DDX31: variants seen among roughly 807,000 people sequenced by gnomAD.
DDX31 encodes ATP-dependent DNA helicase DDX31.
DDX31 carries 70 observed loss-of-function variants against 91.3 expected under a neutral mutation model. The observed-to-expected ratio is 0.77, with a 90% CI of 0.63 to 0.94. DDX31 has a LOEUF of 0.94. Among genes scored for constraint, DDX31 ranks in the 40% least tolerant of loss-of-function variants. The pLI, the probability that DDX31 is intolerant of heterozygous loss-of-function variation, is 0.00. For missense variants in DDX31, 902 were observed against 925.0 expected (o/e 0.98, Z 0.32); for synonymous variants, 362 against 350.6 (o/e 1.03, Z -0.36).
At chr9:132,669,678 G>T in intron 1 of DDX31, 182 bp downstream of exon 1, 1 of 1,533,506 alleles carries the variant, frequency 6.5e-7, no homozygotes, top group Non-Finnish European at 8.7e-7. Flanking sequence ...GCATCCCTGC[G>T]GGTGGTGTTC....
chr9:132,669,698 A>G (rs1835597993), intron 1 of DDX31, 162 bp downstream of exon 1: 3 of 1,533,536 alleles, frequency 2.0e-6, no homozygotes, highest in Non-Finnish European at 1.7e-6. Context: ...CCGGTTAGAG[A>G]CACGTGTTTC....
chr9:132,599,634 T>C (rs1279266346), intron 19 of DDX31, among the ~76,000 whole-genome samples: 4 of 152,178 alleles, frequency 2.6e-5, no homozygotes, highest in Admixed American at 2.6e-4. Context: ...AATGCCAGAG[T>C]ATTTTAATTT....
At chr9:132,641,529 G>A (rs1473219513) in intron 14 of DDX31, among the ~76,000 whole-genome samples, 4 of 152,204 alleles carry the variant, frequency 2.6e-5, no homozygotes, top group Admixed American at 6.5e-5. Flanking sequence ...CAGCTATCCC[G>A]GACTGCAGAG....
intron 6 of DDX31, among the ~76,000 whole-genome samples, chr9:132,657,343 ATATG>A (rs1834631553): frequency 6.6e-6 from 1 of 152,336 alleles, no homozygotes; most frequent in Admixed American, 6.5e-5. Context: ...CAGCTTCTCC[ATATG>A]TATTATCAAC....
At chr9:132,624,762 T>A (rs1832292849) in intron 17 of DDX31, among the ~76,000 whole-genome samples, 1 of 152,192 alleles carries the variant, frequency 6.6e-6, no homozygotes, top group African/African-American at 2.4e-5. Context: ...GCTATGGCTA[T>A]CTCCTCTCCT....
In DDX31 at chr9:132,608,435, A is replaced by G. The variant is rs545163580; in HGVS notation, c.1994+3652T>C. On this transcript the variant is annotated intron_variant, in intron 19 of 19. Transcript: ENST00000372159. ...TCTTTTCTGAAAAGTGGTCGAGTGA[A>G]GGACTAAAGGCAATGTAAGAGACGA... 5.3e-5 allele frequency among the ~76,000 whole-genome samples: 8 copies of G among 152,270 alleles called. No homozygotes were observed. In the South Asian group the frequency reaches 1.7e-3, roughly 32 times the overall value.
At position 132,658,743 on chromosome 9, in the gene DDX31, A is replaced by T. The variant is rs752282069; in HGVS notation, c.524-8T>A. The T allele has an allele frequency of 6.2e-7, 1 of 1,612,878 alleles. No individual in the cohort carries two copies. Among genetic ancestry groups the T allele is most frequent in the Non-Finnish European group, 8.5e-7 (1 of 1,179,562 alleles). ...AATAGGCAAGAGTTTTACCTTTCAA[A>T]AAAAAAGCAGAAGCAATTAAAATCA... On this transcript the variant is annotated splice_region_variant and splice_polypyrimidine_tract_variant and intron_variant, in intron 5 of 19. Transcript: ENST00000372159.
intron 17 of DDX31, among the ~76,000 whole-genome samples, chr9:132,622,609 C>T (rs780615845): frequency 4.6e-5 from 7 of 152,186 alleles, no homozygotes; most frequent in Admixed American, 1.3e-4. Context: ...CAATGCCAGG[C>T]CCAGAAAGAG....
chr9:132,602,089 C>G (rs1006790522), intron 19 of DDX31, among the ~76,000 whole-genome samples: 2 of 152,242 alleles, frequency 1.3e-5, no homozygotes, highest in Admixed American at 1.3e-4. Context: ...CATGTACACA[C>G]AGCGTTTGAA....
At position 132,594,120 on chromosome 9, in the gene DDX31, A is replaced by G. The variant is rs1336075014; in HGVS notation, c.*746T>C. 1 of 152,088 alleles carries G rather than the reference A, an allele frequency of 6.6e-6. No homozygotes were observed. Among genetic ancestry groups the G allele is most frequent in the Admixed American group, 6.5e-5 (1 of 15,268 alleles). 9.4% of individuals were successfully genotyped at this position (152,088 alleles called of 1,614,324 possible). A position where few individuals can be genotyped will look rare whatever the true frequency, so the allele number is the denominator to read the frequency against. On this transcript the variant is annotated 3_prime_UTR_variant, in exon 20 of 20. Coordinates refer to ENST00000372159, the MANE Select transcript of DDX31 (RefSeq NM_022779.9). ...GAAGACAAGACAGGATTCGATAGGGAAAAAAAGCTTGGGATACTGGTGCCT... is the reference window on the plus strand; with the variant it reads ...GAAGACAAGACAGGATTCGATAGGGGAAAAAAGCTTGGGATACTGGTGCCT...
intron 19 of DDX31, among the ~76,000 whole-genome samples, chr9:132,607,446 G>A (rs925328981): frequency 6.6e-6 from 1 of 152,202 alleles, no homozygotes; most frequent in Non-Finnish European, 1.5e-5. Flanking sequence ...CAAAATTATT[G>A]CATTACTGAT....
Position 132,603,754 on chromosome 9 carries a change from G to A in DDX31, c.1994+8333C>T, listed in dbSNP as rs536345659. On this transcript the variant is annotated intron_variant, in intron 19 of 19. Coordinates refer to ENST00000372159, the MANE Select transcript of DDX31 (RefSeq NM_022779.9). ...GCCCGTCTCCAGCATCGTCCCGGGA[G>A]AGGCTGGCTGGGTTCCTGTTCTTTG... is the stretch of plus-strand genomic sequence containing the variant. 2.0e-5 allele frequency among the ~76,000 whole-genome samples: 3 copies of A among 152,320 alleles called. No homozygotes were observed. In the East Asian group the frequency reaches 5.8e-4, roughly 29 times the overall value.
Position 132,609,724 on chromosome 9 carries a change from C to T in DDX31, c.1994+2363G>A, listed in dbSNP as rs561041582. ...GCAACCTCTGCCGCCCAGGTTCAAG[C>T]GATTCTCCTGCCTCAGCCTCCCAAG... On this transcript the variant is annotated intron_variant, in intron 19 of 19. Coordinates refer to ENST00000372159, the MANE Select transcript of DDX31 (RefSeq NM_022779.9). Among the ~76,000 whole-genome samples, 40 of 152,178 alleles carry T rather than the reference C, an allele frequency of 2.6e-4. No individual in the cohort carries two copies. The South Asian group carries it at 7.1e-3, about 27-fold the overall frequency.
chr9:132,643,534 A>G (rs1347152950), intron 13 of DDX31, among the ~76,000 whole-genome samples: 1 of 152,222 alleles, frequency 6.6e-6, no homozygotes. Flanking sequence ...ACAAACAACA[A>G]ACATTCATCG....
intron 19 of DDX31, among the ~76,000 whole-genome samples, chr9:132,602,265 C>G (rs1830760094): frequency 6.6e-6 from 1 of 152,262 alleles, no homozygotes; most frequent in Non-Finnish European, 1.5e-5. Flanking sequence ...CAGGCCACAG[C>G]AACCATGGGA....
chr9:132,648,246 C>T lies in DDX31; in HGVS notation c.910G>A (p.Val304Ile). 8 of 1,613,822 alleles carry T rather than the reference C, an allele frequency of 5.0e-6. No homozygotes were observed. The highest frequency in any genetic ancestry group is 2.2e-5 in the East Asian group (1 of 44,882). ...EKDITVILNAVNAECQKRQNV... is the reference protein window; with the variant it reads ...EKDITVILNAINAECQKRQNV... ...TGTCGTTTTTGGCATTCAGCATTTA[C>T]AGCATTAAGTATCACTGTGATGTCC... Residue 304 changes from valine (V) to isoleucine (I), a missense_variant, in exon 11 of 20, where the codon GTA becomes ATA. Physicochemically the swap from Val to Ile is conservative, Grantham distance 29. Transcript: ENST00000372159.
chr9:132,628,547 T>C (rs1456241711), intron 16 of DDX31, among the ~76,000 whole-genome samples: 6 of 152,248 alleles, frequency 3.9e-5, no homozygotes, highest in Non-Finnish European at 8.8e-5. Context: ...GCTTTATATC[T>C]GAGCCCTTCA....
intron 19 of DDX31, among the ~76,000 whole-genome samples, chr9:132,607,092 G>GA (rs777213237): frequency 6.6e-6 from 1 of 152,222 alleles, no homozygotes; most frequent in Non-Finnish European, 1.5e-5. Context: ...GTTTATTTTA[G>GA]AAAGTAAATG....
At chr9:132,626,078 G>C (rs547680043) in intron 16 of DDX31, among the ~76,000 whole-genome samples, 70 of 150,658 alleles carry the variant, frequency 4.6e-4, no homozygotes, top group African/African-American at 1.6e-3. Flanking sequence ...CCACTCCCTT[G>C]ATTTGAGCAG....
Sources: gnomAD v4.1 joint callset for allele counts (sites outside exome capture counted in the v4.1 genomes callset) on GRCh38, gnomAD v4.1.1 for gene constraint, MANE v1.5 for transcripts, NCBI Gene and HGNC (gene_info 2026-07-23, HGNC 2026-07-21) for gene names.